ELL: variants seen among roughly 807,000 people sequenced by gnomAD.
ELL encodes the protein RNA polymerase II elongation factor ELL.
A neutral mutation model predicts 64.0 loss-of-function variants in ELL; 18 were observed. The ratio of observed to expected loss-of-function variants is 0.28; its 90% CI spans 0.19 to 0.42. The LOEUF is 0.42. Among genes scored for constraint, ELL ranks in the 10% least tolerant of loss-of-function variants. The probability of loss-of-function intolerance (pLI) is 1.00; values close to 1 mark genes in which losing one functional copy is unlikely to be tolerated. For missense variants in ELL, 797 were observed against 870.4 expected, an observed-to-expected ratio of 0.92 and a Z score of 1.06; for synonymous variants, 399 against 376.2, an observed-to-expected ratio of 1.06 and a Z score of -0.70.
At chr19:18,473,647 G>A (rs546506238) in intron 1 of ELL, among the ~76,000 whole-genome samples, 2 of 152,310 alleles carry the variant, frequency 1.3e-5, no homozygotes, top group Admixed American at 6.5e-5. Flanking sequence ...CAGCCTTCTG[G>A]CAGTATCTGA....
intron 4 of ELL, among the ~76,000 whole-genome samples, chr19:18,462,436 G>C (rs1021537599): frequency 6.7e-6 from 1 of 148,704 alleles, no homozygotes; most frequent in East Asian, 2.0e-4. Flanking sequence ...ACCCAGGCTG[G>C]AGTGTAATAC....
intron 1 of ELL, among the ~76,000 whole-genome samples, chr19:18,498,039 A>G (rs969440736): frequency 3.9e-5 from 6 of 151,942 alleles, no homozygotes; most frequent in Non-Finnish European, 8.8e-5. Context: ...GAGGCAGGAG[A>G]ATCACTTGAA....
chr19:18,461,727 C>A lies in ELL; in HGVS notation c.595G>T (p.Gly199Cys). 6.2e-7 allele frequency: 1 copy of A among 1,613,874 alleles called. No individual in the cohort carries two copies. The highest frequency in any genetic ancestry group is 8.5e-7 in the Non-Finnish European group (1 of 1,180,000). Residue 199 changes from glycine (G) to cysteine (C), a missense_variant, in exon 5 of 12, where the codon GGC becomes TGC. Gly to Cys is a radical substitution (Grantham distance 159, BLOSUM62 -3). Transcript: ENST00000262809. ...AAGGGCCTCTGGGACACCCCGCTGC[C>A]CCCACTCACGGCACTGGCACCACTC... ...RKSGASAVSGGSGVSQRPFRD... is the reference protein window; with the variant it reads ...RKSGASAVSGCSGVSQRPFRD...
chr19:18,459,668 C>A (rs181342746), intron 5 of ELL, among the ~76,000 whole-genome samples: 2 of 151,956 alleles, frequency 1.3e-5, no homozygotes, highest in South Asian at 2.1e-4. Flanking sequence ...TACAGGCACC[C>A]GCCACCACGC....
chr19:18,445,098 C>T, intron 11 of ELL, 126 bp downstream of exon 11: 23 of 1,387,606 alleles, frequency 1.7e-5, no homozygotes, highest in Non-Finnish European at 2.3e-5. Flanking sequence ...CAACTTTGGC[C>T]TCAGACTCAA....
chr19:18,484,174 T>C (rs1975363922), intron 1 of ELL, among the ~76,000 whole-genome samples: 1 of 152,166 alleles, frequency 6.6e-6, no homozygotes, highest in Non-Finnish European at 1.5e-5. Flanking sequence ...AGAATCCCGT[T>C]TGGCAGCCAG....
rs111826225 is a variant in ELL at position 18,471,024 on chromosome 19, A to AGAGC, written c.183+1807_183+1810dup. 3.4e-3 allele frequency: 1,574 copies of AGAGC among 456,514 alleles called. 19 individuals carry two copies. Among genetic ancestry groups the AGAGC allele is most frequent in the African/African-American group, 0.027 (1,378 of 50,140 alleles). The allele number at this position is 456,514 out of a possible 1,614,324, so 28.3% of individuals were successfully genotyped here. A position where few individuals can be genotyped will look rare whatever the true frequency, so the allele number is the denominator to read the frequency against. On this transcript the variant is annotated intron_variant, in intron 2 of 11. Transcript: ENST00000262809. ...TCCATATCCCCACATCCAGCTGTGC[A>AGAGC]GAGCTCTCAGGCTGTGGACAGAAAT...
intron 1 of ELL, among the ~76,000 whole-genome samples, chr19:18,491,776 G>A (rs1023953291): frequency 7.9e-5 from 12 of 152,168 alleles, no homozygotes; most frequent in African/African-American, 2.7e-4. Context: ...GATTAGCTGG[G>A]TGTGATGGCA....
At chr19:18,515,790 C>T (rs960786708) in intron 1 of ELL, among the ~76,000 whole-genome samples, 5 of 152,178 alleles carry the variant, frequency 3.3e-5, no homozygotes, top group African/African-American at 9.7e-5. Context: ...ACCCCTGCAA[C>T]CTCAAAAGAT....
intron 1 of ELL, among the ~76,000 whole-genome samples, chr19:18,480,309 G>A (rs749669527): frequency 3.9e-5 from 6 of 152,240 alleles, no homozygotes; most frequent in Non-Finnish European, 7.3e-5. Context: ...AGGACATTGA[G>A]GCCACGGAGA....
At chr19:18,510,646 T>C (rs1975999068) in intron 1 of ELL, among the ~76,000 whole-genome samples, 1 of 152,064 alleles carries the variant, frequency 6.6e-6, no homozygotes, top group Non-Finnish European at 1.5e-5. Flanking sequence ...GTCACATACA[T>C]GAGGGCATTT....
At chr19:18,489,392 G>A (rs1221848278) in intron 1 of ELL, among the ~76,000 whole-genome samples, 1 of 152,166 alleles carries the variant, frequency 6.6e-6, no homozygotes, top group South Asian at 2.1e-4. Flanking sequence ...CGGGCTGGCC[G>A]CCCCGGGTGC....
chr19:18,450,474 T>G lies in ELL; in HGVS notation c.1465+3A>C. On this transcript the variant is annotated splice_donor_region_variant and intron_variant, in intron 8 of 11. Transcript: ENST00000262809. ...GGCAACGCCCTCCTGCCTGGGCACC[T>G]ACCTGGGGTGTCTGCTGGGGCTCCG... 1 of 1,612,202 alleles carries G rather than the reference T, an allele frequency of 6.2e-7. No individual in the cohort carries two copies. Among genetic ancestry groups the G allele is most frequent in the Non-Finnish European group, 8.5e-7 (1 of 1,179,588 alleles).
At chr19:18,521,611 C>G (rs1976278824) in intron 1 of ELL, among the ~76,000 whole-genome samples, 1 of 152,092 alleles carries the variant, frequency 6.6e-6, no homozygotes, top group South Asian at 2.1e-4. Flanking sequence ...TGCCCAGGTG[C>G]CCAGCAGGCC....
At chr19:18,478,542 A>G (rs1321219201) in intron 1 of ELL, among the ~76,000 whole-genome samples, 2 of 152,184 alleles carry the variant, frequency 1.3e-5, no homozygotes, top group Non-Finnish European at 2.9e-5. Context: ...AGCATGAGGT[A>G]TGGAACTGGG....
At chr19:18,456,666 G>A (rs1974682404) in intron 6 of ELL, among the ~76,000 whole-genome samples, 1 of 152,158 alleles carries the variant, frequency 6.6e-6, no homozygotes, top group South Asian at 2.1e-4. Flanking sequence ...GGACAGTGAT[G>A]AGAGGAGATT....
chr19:18,468,282 CACAA>C (rs769351821), intron 2 of ELL, among the ~76,000 whole-genome samples: 11 of 152,238 alleles, frequency 7.2e-5, no homozygotes, highest in South Asian at 2.1e-4. Flanking sequence ...ACCTCCCACA[CACAA>C]ACAACCACAC....
intron 6 of ELL, among the ~76,000 whole-genome samples, chr19:18,457,122 C>T (rs1291680214): frequency 2.0e-5 from 3 of 152,214 alleles, no homozygotes; most frequent in Non-Finnish European, 4.4e-5. Context: ...TGCCAAGGGG[C>T]TGGCATGAGC....
intron 1 of ELL, among the ~76,000 whole-genome samples, chr19:18,490,769 C>G (rs1975512582): frequency 6.6e-6 from 1 of 152,222 alleles, no homozygotes. Flanking sequence ...CCCCTCAAAT[C>G]TCCCAGCAGG....
Sources: allele counts gnomAD v4.1 joint callset (sites outside exome capture counted in the v4.1 genomes callset), GRCh38; gene constraint gnomAD v4.1.1; transcripts MANE v1.5; gene names NCBI Gene and HGNC (gene_info 2026-07-23, HGNC 2026-07-21).